THNSL1: variants seen among roughly 807,000 people sequenced by gnomAD.
THNSL1 encodes the protein threonine synthase-like 1.
Under a neutral mutation model 50.4 loss-of-function variants are expected in THNSL1, and 48 were observed. That is an observed-to-expected ratio of 0.95 (90% CI 0.76 to 1.21). The LOEUF is 1.21. Among genes scored for constraint, THNSL1 ranks in the 50% most tolerant of loss-of-function variants. The pLI, the probability that THNSL1 is intolerant of heterozygous loss-of-function variation, is 0.00. For synonymous variants in THNSL1, 309 were observed against 306.1 expected (o/e 1.01, Z -0.10); for missense variants, 896 against 871.7 (o/e 1.03, Z -0.35).
chr10:24,963,798 C>T, the THNSL1 span, among the ~76,000 whole-genome samples: 9 of 152,268 alleles, frequency 5.9e-5, no homozygotes, highest in African/African-American at 2.2e-4. Context: ...ATCTAAGAAA[C>T]ATTCCCCATT....
the THNSL1 span, among the ~76,000 whole-genome samples, chr10:24,997,807 T>TTATATATA: frequency 1.1e-4 from 16 of 144,958 alleles, no homozygotes; most frequent in African/African-American, 3.7e-4. Flanking sequence ...CACAAAGGAT[T>TTATATATA]TATATATATA....
the THNSL1 span, among the ~76,000 whole-genome samples, chr10:25,003,337 G>T: frequency 1.3e-5 from 2 of 152,122 alleles, no homozygotes; most frequent in Non-Finnish European, 2.9e-5. Context: ...CTCCTGAGTA[G>T]CTGGGACTAC....
At chr10:24,992,747 C>CAG in the THNSL1 span, among the ~76,000 whole-genome samples, 1 of 152,170 alleles carries the variant, frequency 6.6e-6, no homozygotes, top group Non-Finnish European at 1.5e-5. Flanking sequence ...CACAGTGTAA[C>CAG]TTAACCCATC....
the THNSL1 span, among the ~76,000 whole-genome samples, chr10:24,956,830 C>T: frequency 2.0e-5 from 3 of 152,264 alleles, no homozygotes; most frequent in South Asian, 2.1e-4. Flanking sequence ...TGAGTGTCAG[C>T]GAGCATTCCC....
At chr10:25,013,774 C>T (rs1487072492), upstream of THNSL1, among the ~76,000 whole-genome samples, 1 of 152,054 alleles carries the variant, frequency 6.6e-6, no homozygotes, top group Non-Finnish European at 1.5e-5. Flanking sequence ...GAAACCCCAT[C>T]CCTACTAAAA....
chr10:24,972,189 CT>C, the THNSL1 span, among the ~76,000 whole-genome samples: 1 of 139,834 alleles, frequency 7.2e-6, no homozygotes. Context: ...AAGACTCTAT[CT>C]TAAAAAAAAA....
At chr10:24,968,233 T>A in the THNSL1 span, among the ~76,000 whole-genome samples, 1 of 152,172 alleles carries the variant, frequency 6.6e-6, no homozygotes, top group Admixed American at 6.5e-5. Context: ...GAAAGAACTC[T>A]CTCTCTGTTG....
the THNSL1 span, among the ~76,000 whole-genome samples, chr10:25,004,439 T>G: frequency 1.3e-5 from 2 of 151,908 alleles, no homozygotes; most frequent in Non-Finnish European, 2.9e-5. Context: ...ACCAGTATCT[T>G]TTGAATAATG....
At chr10:24,973,537 A>G in the THNSL1 span, among the ~76,000 whole-genome samples, 1 of 152,172 alleles carries the variant, frequency 6.6e-6, no homozygotes, top group African/African-American at 2.4e-5. Flanking sequence ...AAACTGCAGA[A>G]ACTGAAACCA....
At chr10:24,989,181 CA>C in the THNSL1 span, among the ~76,000 whole-genome samples, 1 of 152,084 alleles carries the variant, frequency 6.6e-6, no homozygotes, top group Admixed American at 6.5e-5. Context: ...TGGGAAAATC[CA>C]AATGAGAGAG....
At chr10:25,000,946 T>C in the THNSL1 span, among the ~76,000 whole-genome samples, 1 of 152,122 alleles carries the variant, frequency 6.6e-6, no homozygotes, top group African/African-American at 2.4e-5. Flanking sequence ...AGCAATATTA[T>C]AGCATTTAAC....
the THNSL1 span, among the ~76,000 whole-genome samples, chr10:24,956,385 T>C: frequency 6.0e-4 from 92 of 152,296 alleles, no homozygotes; most frequent in Middle Eastern, 3.4e-3. Flanking sequence ...CTTTGCAAAG[T>C]TAATAACCAG....
chr10:24,964,214 C>T, the THNSL1 span, among the ~76,000 whole-genome samples: 1 of 152,210 alleles, frequency 6.6e-6, no homozygotes, highest in Non-Finnish European at 1.5e-5. Flanking sequence ...AAACTCATCC[C>T]CTGCTATTCT....
At position 25,023,816 on chromosome 10, in the gene THNSL1, A is replaced by G; in HGVS notation, c.593A>G (p.Asp198Gly). The G allele has an allele frequency of 1.2e-6, 2 of 1,614,248 alleles. No homozygotes were observed. The highest frequency in any genetic ancestry group is 1.3e-5 in the African/African-American group (1 of 75,076). ...AGACAGTATTATAAGAAGTGGTATG[A>G]TGCTCGTGTTTTCTGTGAAAGTGGG... ...FRRQYYKKWY[D>G]ARVFCESGAS... Residue 198 changes from aspartate to glycine, a missense_variant, in exon 3 of 3, where the codon GAT becomes GGT. By Grantham distance (94) the Asp-to-Gly change is moderately conservative (BLOSUM62 -1). Coordinates refer to ENST00000376356, the MANE Select transcript of THNSL1 (RefSeq NM_024838.5).
At chr10:24,999,388 T>C in the THNSL1 span, 4 of 1,587,986 alleles carry the variant, frequency 2.5e-6, no homozygotes, top group Non-Finnish European at 2.6e-6. Flanking sequence ...AAATAAAGCA[T>C]GATAAAACCT....
At chr10:24,977,732 G>A in the THNSL1 span, among the ~76,000 whole-genome samples, 1 of 152,168 alleles carries the variant, frequency 6.6e-6, no homozygotes, top group South Asian at 2.1e-4. Context: ...ATGTGTGTAT[G>A]TAATTATTAT....
chr10:25,018,406 G>C (rs1018532720), intron 1 of THNSL1, among the ~76,000 whole-genome samples: 2 of 152,334 alleles, frequency 1.3e-5, no homozygotes, highest in Non-Finnish European at 2.9e-5. Context: ...GGGGTAGACA[G>C]TAAATATTTC....
chr10:24,995,075 C>T, the THNSL1 span, among the ~76,000 whole-genome samples: 4 of 152,158 alleles, frequency 2.6e-5, no homozygotes, highest in Non-Finnish European at 4.4e-5. Flanking sequence ...CACACCTTTT[C>T]AGATACAAAT....
At chr10:24,984,348 T>C in the THNSL1 span, 14 of 1,596,172 alleles carry the variant, frequency 8.8e-6, no homozygotes, top group African/African-American at 1.6e-4. Flanking sequence ...ACTTAACAGT[T>C]TTCAAAGTTG....
Sources: allele counts gnomAD v4.1 joint callset (sites outside exome capture counted in the v4.1 genomes callset), GRCh38; gene constraint gnomAD v4.1.1; transcripts MANE v1.5; gene names NCBI Gene and HGNC (gene_info 2026-07-23, HGNC 2026-07-21).